The following SPON1 variants were observed in gnomAD, a reference collection of about 807,000 sequenced individuals.
The protein encoded by SPON1 is spondin 1.
SPON1 carries 52 observed loss-of-function variants against 111.7 expected under a neutral mutation model. The ratio of observed to expected loss-of-function variants is 0.47; its 90% CI spans 0.37 to 0.59. The LOEUF is 0.59. Ranked by LOEUF, SPON1 falls within the 20% of genes least tolerant of loss-of-function variation. SPON1 has a pLI of 0.00. For missense variants in SPON1, 957 were observed against 1,068.5 expected, an observed-to-expected ratio of 0.90 and a Z score of 1.46; for synonymous variants, 410 against 395.8, an observed-to-expected ratio of 1.04 and a Z score of -0.43.
At chr11:14,104,706 C>G (rs1849171785) in intron 5 of SPON1, among the ~76,000 whole-genome samples, 1 of 152,050 alleles carries the variant, frequency 6.6e-6, no homozygotes, top group Non-Finnish European at 1.5e-5. Flanking sequence ...CATACTAATT[C>G]AAGATTTCAT....
At position 14,228,690 on chromosome 11, in the gene SPON1, C is replaced by T. The variant is rs1294915330; in HGVS notation, c.826-14642C>T. 6.6e-6 allele frequency among the ~76,000 whole-genome samples: 1 copy of T among 152,192 alleles called. No homozygotes were observed. Among genetic ancestry groups the T allele is most frequent in the African/African-American group, 2.4e-5 (1 of 41,444 alleles). ...ACAGCTAAGAGCAACCTTTTACCAT[C>T]ATCCCTGCAGCTGGGAAGTAAGTCC... On this transcript the variant is annotated intron_variant, in intron 6 of 15. Transcript: ENST00000576479. This position sits in a 1 kb window ranked among gnomAD's most constrained non-coding sequence, Gnocchi z 4.2.
intron 2 of SPON1, among the ~76,000 whole-genome samples, chr11:14,025,383 CA>C (rs1292028728): frequency 6.6e-6 from 1 of 152,226 alleles, no homozygotes; most frequent in Admixed American, 6.5e-5. Context: ...GTGCCAGGCA[CA>C]ATGCTAGGTG....
intron 6 of SPON1, among the ~76,000 whole-genome samples, chr11:14,172,265 T>G (rs192075288): frequency 6.6e-6 from 1 of 152,090 alleles, no homozygotes; most frequent in East Asian, 1.9e-4. Flanking sequence ...TTTGTCTCTT[T>G]TGATCTTTGT....
intron 3 of SPON1, 91 bp from the exon 4 acceptor site, chr11:14,075,254 A>C (rs1235187960): frequency 1.0e-6 from 1 of 987,828 alleles, no homozygotes; most frequent in Non-Finnish European, 1.6e-6. Flanking sequence ...ACTCAAAGCC[A>C]CAAAGCCAAG....
At chr11:14,237,290 G>T (rs374099914) in intron 6 of SPON1, among the ~76,000 whole-genome samples, 1 of 152,170 alleles carries the variant, frequency 6.6e-6, no homozygotes, top group Non-Finnish European at 1.5e-5. Flanking sequence ...GGGTCTCCAC[G>T]CAAGATTCCA....
At chr11:14,005,360 T>C (rs1232316693) in intron 2 of SPON1, among the ~76,000 whole-genome samples, 8 of 152,194 alleles carry the variant, frequency 5.3e-5, no homozygotes, top group African/African-American at 9.7e-5. Flanking sequence ...ATCATCCCCA[T>C]TGAGATCTGC....
chr11:14,175,181 G>T (rs1371867309), intron 6 of SPON1, among the ~76,000 whole-genome samples: 3 of 152,098 alleles, frequency 2.0e-5, no homozygotes, highest in Admixed American at 1.3e-4. Context: ...ACAGCATTGA[G>T]CAGTTTCTAT....
intron 6 of SPON1, among the ~76,000 whole-genome samples, chr11:14,209,661 T>C (rs372705585): frequency 1.3e-5 from 2 of 152,324 alleles, no homozygotes; most frequent in East Asian, 3.9e-4. Context: ...CAGTCTATCA[T>C]TGATGGGCAT....
intron 5 of SPON1, among the ~76,000 whole-genome samples, chr11:14,108,604 C>G (rs1284558014): frequency 2.0e-5 from 3 of 152,198 alleles, no homozygotes; most frequent in Non-Finnish European, 4.4e-5. Flanking sequence ...ACTACAAGGC[C>G]TAACCAGCAA....
intron 6 of SPON1, among the ~76,000 whole-genome samples, chr11:14,155,652 C>G (rs1278800023): frequency 6.6e-6 from 1 of 150,490 alleles, no homozygotes; most frequent in East Asian, 2.0e-4. Flanking sequence ...CCTCCCCACT[C>G]CCCCTACCCC....
At chr11:14,112,578 G>T (rs1046605808) in intron 5 of SPON1, among the ~76,000 whole-genome samples, 3 of 152,200 alleles carry the variant, frequency 2.0e-5, no homozygotes, top group African/African-American at 4.8e-5. Context: ...TCAGAAGAGC[G>T]CCTAGCATAT....
At chr11:14,246,615 A>T (rs1301501788) in intron 7 of SPON1, among the ~76,000 whole-genome samples, 1 of 152,086 alleles carries the variant, frequency 6.6e-6, no homozygotes, top group Admixed American at 6.5e-5. Context: ...AACAAACAAA[A>T]TCTTACTTTC....
At chr11:14,090,755 T>C (rs1228357497) in intron 5 of SPON1, among the ~76,000 whole-genome samples, 1 of 147,442 alleles carries the variant, frequency 6.8e-6, no homozygotes, top group Non-Finnish European at 1.5e-5. Context: ...AGAACAAAGC[T>C]TCCACAGTGT....
At chr11:14,134,615 A>C (rs1847569439) in intron 5 of SPON1, among the ~76,000 whole-genome samples, 1 of 152,138 alleles carries the variant, frequency 6.6e-6, no homozygotes, top group Non-Finnish European at 1.5e-5. Context: ...AGTCAGCTGA[A>C]ATCAACCATG....
chr11:13,974,025 T>G (rs1848083966), intron 1 of SPON1, among the ~76,000 whole-genome samples: 1 of 152,192 alleles, frequency 6.6e-6, no homozygotes, highest in Non-Finnish European at 1.5e-5. Context: ...CTGCTCACTT[T>G]TGGATTCTCA....
intron 6 of SPON1, among the ~76,000 whole-genome samples, chr11:14,233,562 T>C (rs782193542): frequency 1.3e-5 from 2 of 152,184 alleles, no homozygotes; most frequent in African/African-American, 4.8e-5. Flanking sequence ...TATTAACTAA[T>C]TGTTTAATTA....
intron 6 of SPON1, among the ~76,000 whole-genome samples, chr11:14,171,896 A>C (rs1312263210): frequency 1.3e-5 from 2 of 152,026 alleles, no homozygotes; most frequent in African/African-American, 4.8e-5. Context: ...TTTGCTGAGG[A>C]GTGTTTTACT....
intron 1 of SPON1, among the ~76,000 whole-genome samples, chr11:13,965,864 C>T (rs181357075): frequency 2.0e-5 from 3 of 152,128 alleles, no homozygotes; most frequent in Non-Finnish European, 4.4e-5. Context: ...CTGGCATTCC[C>T]CTGGTGTTCT....
chr11:14,094,533 A>G (rs568713700), intron 5 of SPON1, among the ~76,000 whole-genome samples: 1 of 152,326 alleles, frequency 6.6e-6, no homozygotes, highest in Admixed American at 6.5e-5. Flanking sequence ...TGGTTTAATT[A>G]CCAACACACT....
Sources: gnomAD v4.1 joint callset for allele counts (sites outside exome capture counted in the v4.1 genomes callset) on GRCh38, gnomAD v4.1.1 for gene constraint, Gnocchi (gnomAD v3.1) non-coding constraint, MANE v1.5 for transcripts, NCBI Gene and HGNC (gene_info 2026-07-23, HGNC 2026-07-21) for gene names.